The following TDRD7 variants were observed in gnomAD, a reference collection of about 807,000 sequenced individuals.
TDRD7 encodes tudor domain containing 7.
Under a neutral mutation model 109.8 loss-of-function variants are expected in TDRD7, and 47 were observed. That is an observed-to-expected ratio of 0.43 (90% CI 0.34 to 0.55). The LOEUF (loss-of-function observed/expected upper bound fraction) is 0.55. Ranked by LOEUF, TDRD7 falls within the 20% of genes least tolerant of loss-of-function variation. TDRD7 has a pLI of 0.03. For synonymous variants in TDRD7, 424 were observed against 457.3 expected, an observed-to-expected ratio of 0.93 and a Z score of 0.93; for missense variants, 1,164 against 1,319.2, an observed-to-expected ratio of 0.88 and a Z score of 1.82.
At position 97,460,523 on chromosome 9, in the gene TDRD7, A is replaced by G. The variant is rs912468692; in HGVS notation, c.1201A>G (p.Ile401Val). The G allele has an allele frequency of 1.9e-6, 3 of 1,614,120 alleles. No individual in the cohort carries two copies. Among genetic ancestry groups the G allele is most frequent in the African/African-American group, 1.3e-5 (1 of 74,946 alleles). Residue 401 changes from isoleucine (I) to valine (V), a missense_variant, in exon 7 of 17, where the codon ATT becomes GTT. Around this residue, in one of 5 missense-constraint regions of TDRD7, gnomAD observed 407 missense variants for 394.0 expected, o/e 1.03. Transcript: ENST00000355295. ...DYISGNPQKAILYAKLPLPTD... is the reference protein window; with the variant it reads ...DYISGNPQKAVLYAKLPLPTD... ...CATTTCTGGAAATCCCCAGAAGGCC[A>G]TTCTCTATGCTAAACTTCCATTGCC... is the stretch of plus-strand genomic sequence containing the variant.
Position 97,460,713 on chromosome 9 carries a change from C to T in TDRD7, c.1391C>T (p.Ser464Leu). Reference protein sequence around the residue: ...VPPLMIPTEASPSVLVVELSN... With the variant: ...VPPLMIPTEALPSVLVVELSN... Reference sequence around the variant, plus strand: ...CCTTTAATGATTCCAACTGAAGCATCACCATCTGTATTGGTGGTTGAACTG... The same window carrying T: ...CCTTTAATGATTCCAACTGAAGCATTACCATCTGTATTGGTGGTTGAACTG... The change falls in exon 7 of 17, where the codon TCA becomes TTA. Residue 464 changes from serine to leucine, a missense_variant. This residue lies in a region of TDRD7 where 261 missense variants were observed against 336.2 expected (regional missense o/e 0.78). Coordinates refer to ENST00000355295, the MANE Select transcript of TDRD7 (RefSeq NM_014290.3). 1 of 1,614,162 alleles carries T rather than the reference C, an allele frequency of 6.2e-7. No individual in the cohort carries two copies. Among genetic ancestry groups the T allele is most frequent in the Non-Finnish European group, 8.5e-7 (1 of 1,180,034 alleles).
intron 1 of TDRD7, among the ~76,000 whole-genome samples, chr9:97,416,220 C>T (rs1009680209): frequency 3.3e-5 from 5 of 152,172 alleles, no homozygotes; most frequent in African/African-American, 1.2e-4. Context: ...AGATAGCATA[C>T]TTTAAAAAGG....
chr9:97,430,791 T>C, intron 2 of TDRD7, 142 bp from the exon 3 acceptor site: 1 of 960,922 alleles, frequency 1.0e-6, no homozygotes, highest in Non-Finnish European at 1.6e-6. Context: ...TCTAGCATTA[T>C]CAAGGAGCGA....
rs572612720 is a variant in TDRD7, at chr9:97,414,465, C to T, written c.-7+2227C>T. On this transcript the variant is annotated intron_variant, in intron 1 of 16. Coordinates refer to ENST00000355295, the MANE Select transcript of TDRD7 (RefSeq NM_014290.3). ...ATCCAAGGAAAGTTGAGAATCATGG[C>T]TCTTGCCCACCTTTCTTATCTTCCT... 3.3e-5 allele frequency among the ~76,000 whole-genome samples: 5 copies of T among 152,314 alleles called. No homozygotes were observed. In the South Asian group the frequency reaches 8.3e-4, roughly 25 times the overall value.
chr9:97,453,314 G>A (rs1564203479), intron 6 of TDRD7, among the ~76,000 whole-genome samples: 2 of 151,938 alleles, frequency 1.3e-5, no homozygotes, highest in East Asian at 1.9e-4. Context: ...CAACATTTTG[G>A]TCAATGATGG....
At chr9:97,429,408 A>G (rs1393349029) in intron 2 of TDRD7, among the ~76,000 whole-genome samples, 1 of 152,132 alleles carries the variant, frequency 6.6e-6, no homozygotes, top group Non-Finnish European at 1.5e-5. Flanking sequence ...ACACCCCCTC[A>G]TACACTATGG....
intron 8 of TDRD7, 152 bp from the exon 9 acceptor site, chr9:97,470,406 G>A (rs1828890325): frequency 1.5e-6 from 1 of 677,166 alleles, no homozygotes; most frequent in Non-Finnish European, 2.6e-6. Context: ...TCTCTTCTGT[G>A]GTAAGTCAGG....
chr9:97,472,815 T>A (rs1400854729), intron 10 of TDRD7, among the ~76,000 whole-genome samples: 1 of 152,066 alleles, frequency 6.6e-6, no homozygotes, highest in Non-Finnish European at 1.5e-5. Context: ...ATTATTAGCT[T>A]TAACTTTTTT....
At chr9:97,453,403 A>C (rs1188455395) in intron 6 of TDRD7, among the ~76,000 whole-genome samples, 1 of 152,182 alleles carries the variant, frequency 6.6e-6, no homozygotes, top group African/African-American at 2.4e-5. Flanking sequence ...GACTAGAAGC[A>C]GCAGCTTTTG....
At chr9:97,443,207 T>C (rs922871905) in intron 6 of TDRD7, among the ~76,000 whole-genome samples, 1 of 152,206 alleles carries the variant, frequency 6.6e-6, no homozygotes, top group African/African-American at 2.4e-5. Context: ...TACTATTTAC[T>C]GTGCACTTGC....
intron 13 of TDRD7, among the ~76,000 whole-genome samples, chr9:97,479,612 T>C (rs529256275): frequency 7.2e-5 from 11 of 152,262 alleles, no homozygotes; most frequent in African/African-American, 2.6e-4. Context: ...GACTGTTGGT[T>C]GGGAGTACTT....
intron 7 of TDRD7, among the ~76,000 whole-genome samples, chr9:97,464,113 A>AG (rs1828779835): frequency 6.6e-6 from 1 of 152,208 alleles, no homozygotes; most frequent in Admixed American, 6.5e-5. Context: ...CAGCAGCCTT[A>AG]GTCAAGATCC....
In TDRD7 at chr9:97,483,019, C is replaced by T. The variant is rs1319671809; in HGVS notation, c.2583C>T (p.Asn861=). 2.5e-6 allele frequency: 4 copies of T among 1,614,050 alleles called. No homozygotes were observed. Residue 861 remains asparagine (N), a synonymous_variant, in exon 15 of 17, where the codon AAC becomes AAT. Transcript: ENST00000355295. Reference sequence around the variant, plus strand: ...TATCCAGTGGAGCTGACTCTCCCAACAGCAAAAATGGCAACATGCCCATGT... The same window carrying T: ...TATCCAGTGGAGCTGACTCTCCCAATAGCAAAAATGGCAACATGCCCATGT... ...SAISSGADSP[N]SKNGNMPMSG...
At chr9:97,481,039 A>G (rs997562349) in intron 14 of TDRD7, 101 bp downstream of exon 14, 1 of 935,092 alleles carries the variant, frequency 1.1e-6, no homozygotes, top group Non-Finnish European at 1.8e-6. Flanking sequence ...TGTAAAATGG[A>G]TGCTTCCACA....
chr9:97,419,237 G>A (rs1276527125), intron 1 of TDRD7, among the ~76,000 whole-genome samples: 1 of 152,166 alleles, frequency 6.6e-6, no homozygotes, highest in African/African-American at 2.4e-5. Context: ...GGAGGGATTG[G>A]GTTTTGAAGG....
chr9:97,432,218 G>A lies in TDRD7; in HGVS notation c.543G>A (p.Val181=), dbSNP rs149804703. ...AAGACATTCCAGTGCAAAGGCATGT[G>A]ACCATGTCCACCAACAACAGGTATT... The part of the protein sequence containing the change: ...AFKDIPVQRH[V]TMSTNNRFSP... The change falls in exon 4 of 17, where the codon GTG becomes GTA. Residue 181 remains valine (V), a synonymous_variant. Transcript: ENST00000355295. The A allele has an allele frequency of 1.3e-4, 213 of 1,613,682 alleles. No homozygotes were observed. In the African/African-American group the frequency reaches 2.7e-3, roughly 20 times the overall value.
chr9:97,496,105 A>T lies in TDRD7; in HGVS notation c.*222A>T. ...GAATTATTACTATAATATTAGAATA[A>T]AAATGTTTATCAATATAAAAGCTGA... On this transcript the variant is annotated 3_prime_UTR_variant, in exon 17 of 17. Transcript: ENST00000355295. 2.0e-6 allele frequency: 1 copy of T among 488,652 alleles called. No individual in the cohort carries two copies. Among genetic ancestry groups the T allele is most frequent in the South Asian group, 2.3e-5 (1 of 44,074 alleles). The allele number at this position is 488,652 out of a possible 1,614,324, so 30.3% of individuals were successfully genotyped here. A position where few individuals can be genotyped will look rare whatever the true frequency, so the allele number is the denominator to read the frequency against.
At chr9:97,430,825 CTTGA>C in intron 2 of TDRD7, 104 bp from the exon 3 acceptor site, 1 of 1,339,730 alleles carries the variant, frequency 7.5e-7, no homozygotes, top group Non-Finnish European at 1.1e-6. Context: ...TTGCATACCA[CTTGA>C]CTTGGGATAT....
At chr9:97,474,620 G>C (rs1828981715) in intron 11 of TDRD7, among the ~76,000 whole-genome samples, 1 of 152,154 alleles carries the variant, frequency 6.6e-6, no homozygotes, top group South Asian at 2.1e-4. Context: ...ATCTTGTTCT[G>C]TGTTACAGAG....
Sources: gnomAD v4.1 joint callset for allele counts (sites outside exome capture counted in the v4.1 genomes callset) on GRCh38, gnomAD v4.1.1 for gene constraint, gnomAD v4.1.1 regional missense constraint, MANE v1.5 for transcripts, NCBI Gene and HGNC (gene_info 2026-07-23, HGNC 2026-07-21) for gene names.